Variants in BCO1 observed in about 807,000 individuals in gnomAD.
The protein encoded by BCO1 is beta,beta-carotene 15,15'-dioxygenase.
Under a neutral mutation model 56.3 loss-of-function variants are expected in BCO1, and 54 were observed. The observed-to-expected ratio is 0.96, with a 90% CI of 0.77 to 1.20. The LOEUF (loss-of-function observed/expected upper bound fraction) is 1.20, where lower values mean the gene tolerates loss of function less well. Ranked by LOEUF, BCO1 falls within the 50% of genes most tolerant of loss-of-function variation. The pLI is 0.00. For synonymous variants in BCO1, 318 were observed against 266.1 expected, an observed-to-expected ratio of 1.20 and a Z score of -1.90; for missense variants, 801 against 690.9, an observed-to-expected ratio of 1.16 and a Z score of -1.79.
chr16:81,266,248 C>A (rs575700774), intron 5 of BCO1, among the ~76,000 whole-genome samples: 10 of 152,310 alleles, frequency 6.6e-5, no homozygotes, highest in African/African-American at 2.4e-4. Context: ...TGGAGCAAAG[C>A]CCAGGCTGAC....
At chr16:81,246,069 T>C (rs769508702) in intron 2 of BCO1, among the ~76,000 whole-genome samples, 18 of 152,064 alleles carry the variant, frequency 1.2e-4, no homozygotes, top group Admixed American at 2.6e-4. Context: ...CCTCAGATGA[T>C]CCGCCCACCT....
chr16:81,250,442 A>T (rs1203252068), intron 2 of BCO1, among the ~76,000 whole-genome samples: 1 of 152,136 alleles, frequency 6.6e-6, no homozygotes, highest in Non-Finnish European at 1.5e-5. Context: ...AATGGTGGGA[A>T]GATACACCAG....
chr16:81,261,431 A>G (rs113581826), intron 3 of BCO1, among the ~76,000 whole-genome samples: 2 of 152,318 alleles, frequency 1.3e-5, no homozygotes, highest in African/African-American at 4.8e-5. Flanking sequence ...CGAGATAACC[A>G]GTGTGGACTC....
At position 81,290,539 on chromosome 16, in the gene BCO1, G is replaced by C; in HGVS notation, c.1606G>C (p.Asp536His). 6.2e-7 allele frequency: 1 copy of C among 1,614,070 alleles called. No individual in the cohort carries two copies. The highest frequency in any genetic ancestry group is 1.1e-5 in the South Asian group (1 of 91,076). Residue 536 changes from aspartate (D) to histidine (H), a missense_variant, in exon 11 of 11, where the codon GAC becomes CAC. By Grantham distance (81) the Asp-to-His change is moderately conservative. Transcript: ENST00000258168. ...KKQAASEEQRDRASDCHGAPL... is the reference protein window; with the variant it reads ...KKQAASEEQRHRASDCHGAPL... ...GCAGGCCGCTTCTGAGGAACAGCGG[G>C]ACAGGGCTTCCGACTGCCACGGGGC...
At position 81,275,537 on chromosome 16, in the gene BCO1, T is replaced by G. The variant is rs11865889; in HGVS notation, c.1101+5121T>G. On this transcript the variant is annotated intron_variant, in intron 7 of 10. Transcript: ENST00000258168. Reference sequence around the variant, plus strand: ...GTAAGTAACTTGTTCATTTCCCTCTTCCTGTTCAAGCCTAAGTTCTGGGAG... The same window carrying G: ...GTAAGTAACTTGTTCATTTCCCTCTGCCTGTTCAAGCCTAAGTTCTGGGAG... Among the ~76,000 whole-genome samples the G allele has an allele frequency of 2.1e-3, 317 of 152,352 alleles. 1 individual carries two copies. The highest frequency in any genetic ancestry group is 7.3e-3 in the African/African-American group (305 of 41,588).
intron 8 of BCO1, 50 bp downstream of exon 8, chr16:81,281,012 A>T (rs771818019): frequency 1.4e-6 from 2 of 1,380,890 alleles, no homozygotes; most frequent in South Asian, 1.2e-5. Flanking sequence ...AGATTTTCAC[A>T]GGGAGCCCAG....
intron 2 of BCO1, among the ~76,000 whole-genome samples, chr16:81,249,413 C>T (rs555941031): frequency 7.2e-4 from 109 of 152,232 alleles, no homozygotes; most frequent in African/African-American, 2.4e-3. Flanking sequence ...CCCACCACCA[C>T]GCCTGGCTAA....
chr16:81,285,987 G>A (rs1341473615), intron 9 of BCO1, among the ~76,000 whole-genome samples: 1 of 152,086 alleles, frequency 6.6e-6, no homozygotes, highest in East Asian at 1.9e-4. Flanking sequence ...CAGAGAGGGT[G>A]TAGCTGAAAC....
rs1255897490 is a variant in BCO1, at chr16:81,238,858, AGAG to A, written c.-47_-45del. 2 of 1,531,796 alleles carry A rather than the reference AGAG, an allele frequency of 1.3e-6. No individual in the cohort carries two copies. The highest frequency in any genetic ancestry group is 2.7e-5 in the African/African-American group (2 of 73,206). 94.9% of individuals were successfully genotyped at this position (1,531,796 alleles called of 1,614,324 possible). The stretch of plus-strand genomic sequence containing the variant: ...AGGGAGCAGCATCTCCTGTGAACAC[AGAG>A]GAGCACCTGTTTGCTGTTAAAATCG... On this transcript the variant is annotated 5_prime_UTR_variant, in exon 1 of 11. Coordinates refer to ENST00000258168, the MANE Select transcript of BCO1 (RefSeq NM_017429.3).
intron 7 of BCO1, among the ~76,000 whole-genome samples, chr16:81,277,955 C>T (rs185638918): frequency 1.3e-5 from 2 of 152,322 alleles, no homozygotes; most frequent in East Asian, 3.9e-4. Flanking sequence ...AGGTCTCTTG[C>T]TGTCACATGC....
At chr16:81,270,926 A>G (rs980632599) in intron 7 of BCO1, among the ~76,000 whole-genome samples, 1 of 151,850 alleles carries the variant, frequency 6.6e-6, no homozygotes. Context: ...TTGTATTTTT[A>G]GTAGAGACGG....
chr16:81,275,479 C>G (rs768597138), intron 7 of BCO1, among the ~76,000 whole-genome samples: 1 of 152,222 alleles, frequency 6.6e-6, no homozygotes, highest in Admixed American at 6.5e-5. Flanking sequence ...TCTAATGGCG[C>G]CTTGTAACTC....
intron 4 of BCO1, chr16:81,262,697 A>G: frequency 3.1e-6 from 1 of 320,340 alleles, no homozygotes; most frequent in Admixed American, 4.3e-5. Flanking sequence ...GCGTGGTGGC[A>G]TGTGCCTGTA....
chr16:81,258,979 GATGT>G (rs1453290047), intron 2 of BCO1, among the ~76,000 whole-genome samples: 3 of 152,006 alleles, frequency 2.0e-5, no homozygotes, highest in Admixed American at 6.6e-5. Flanking sequence ...TAAACAACCA[GATGT>G]TGCATGAACT....
chr16:81,273,843 A>T (rs868399546), intron 7 of BCO1, among the ~76,000 whole-genome samples: 1 of 152,172 alleles, frequency 6.6e-6, no homozygotes, highest in African/African-American at 2.4e-5. Context: ...GAAAAAGCCA[A>T]GTTTTAAAAG....
chr16:81,259,776 T>C lies in BCO1; in HGVS notation c.294T>C (p.Tyr98=). ...IVVSEFGTMA[Y]PDPCKNIFSK... ...TGTCTGAGTTTGGAACAATGGCCTA[T>C]CCGGACCCCTGCAAAAACATATTTT... Residue 98 remains tyrosine (Y), a synonymous_variant, in exon 3 of 11, where the codon TAT becomes TAC. Transcript: ENST00000258168. 6.2e-7 allele frequency: 1 copy of C among 1,614,252 alleles called. No homozygotes were observed. Among genetic ancestry groups the C allele is most frequent in the Non-Finnish European group, 8.5e-7 (1 of 1,180,040 alleles).
Position 81,259,988 on chromosome 16 carries a change from T to A in BCO1, c.323+183T>A, listed in dbSNP as rs939000040. Among the ~76,000 whole-genome samples the A allele has an allele frequency of 7.2e-5, 11 of 152,198 alleles. 1 individual carries two copies. The highest frequency in any genetic ancestry group is 2.7e-4 in the African/African-American group (11 of 41,454). The stretch of plus-strand genomic sequence containing the variant: ...TGATTGCCAGAGAGACTAAGAGCAT[T>A]TGACAAATTATTAGAAGCCCTCCCA... On this transcript the variant is annotated intron_variant, in intron 3 of 10. Transcript: ENST00000258168.
chr16:81,253,307 T>G (rs1306506707), intron 2 of BCO1, among the ~76,000 whole-genome samples: 2 of 152,164 alleles, frequency 1.3e-5, no homozygotes, highest in African/African-American at 4.8e-5. Flanking sequence ...GCAGCTTTTC[T>G]TGAGCACCTA....
chr16:81,289,941 C>A (rs975780889), intron 10 of BCO1, among the ~76,000 whole-genome samples: 1 of 152,146 alleles, frequency 6.6e-6, no homozygotes, highest in Admixed American at 6.5e-5. Flanking sequence ...CTCGGCTCAC[C>A]GCAACCTCCA....
Sources: allele counts gnomAD v4.1 joint callset (sites outside exome capture counted in the v4.1 genomes callset), GRCh38; gene constraint gnomAD v4.1.1; transcripts MANE v1.5; gene names NCBI Gene and HGNC (gene_info 2026-07-23, HGNC 2026-07-21).